TULP2: variants seen among roughly 807,000 people sequenced by gnomAD.
TULP2 encodes tubby-related protein 2.
A neutral mutation model predicts 60.3 loss-of-function variants in TULP2; 64 were observed. The observed-to-expected ratio is 1.06, with a 90% CI of 0.87 to 1.31. TULP2 has a LOEUF of 1.31. Ranked by LOEUF, TULP2 falls within the 50% of genes most tolerant of loss-of-function variation. The probability of loss-of-function intolerance (pLI) is 0.00; values close to 1 mark genes in which losing one functional copy is unlikely to be tolerated. For missense variants in TULP2, 652 were observed against 667.0 expected, an observed-to-expected ratio of 0.98 and a Z score of 0.25; for synonymous variants, 267 against 265.4, an observed-to-expected ratio of 1.01 and a Z score of -0.06.
chr19:48,888,461 C>G (rs187043297), intron 7 of TULP2, among the ~76,000 whole-genome samples, 200 bp from the exon 8 acceptor site: 4 of 152,162 alleles, frequency 2.6e-5, no homozygotes, highest in Non-Finnish European at 4.4e-5. Flanking sequence ...TGCAGCCACA[C>G]GCATTCCACC....
intron 8 of TULP2, among the ~76,000 whole-genome samples, chr19:48,887,450 G>A (rs756730852): frequency 6.7e-6 from 1 of 150,010 alleles, no homozygotes. Flanking sequence ...TCAGCCTCCC[G>A]AGTAGCTTGG....
chr19:48,890,736 T>A (rs1417373338), intron 6 of TULP2, among the ~76,000 whole-genome samples: 2 of 152,030 alleles, frequency 1.3e-5, no homozygotes. Flanking sequence ...CGCCCTCACT[T>A]GCAACAACCT....
intron 12 of TULP2, among the ~76,000 whole-genome samples, chr19:48,881,416 C>G (rs1390362623): frequency 9.0e-5 from 12 of 133,946 alleles, no homozygotes; most frequent in African/African-American, 3.2e-4. Context: ...GAGTCTCGCT[C>G]TGTTGCCCAG....
In TULP2 at chr19:48,882,048, G is replaced by T; in HGVS notation, c.1431C>A (p.Ile477=). The T allele has an allele frequency of 6.2e-7, 1 of 1,614,152 alleles. No individual in the cohort carries two copies. The highest frequency in any genetic ancestry group is 8.5e-7 in the Non-Finnish European group (1 of 1,180,030). ...VTRASVKNFQ[I]VDPKHQEHLV... ...GGAGCTCACGGTGTTTGGGATCCAC[G>T]ATTTGGAAGTTCTTCACCGAAGCCC... The change falls in exon 12 of 13, where the codon ATC becomes ATA. Residue 477 remains isoleucine, a synonymous_variant. Transcript: ENST00000221399.
At chr19:48,892,720 T>C (rs537989421) in intron 6 of TULP2, among the ~76,000 whole-genome samples, 2 of 152,080 alleles carry the variant, frequency 1.3e-5, no homozygotes, top group South Asian at 4.2e-4. Flanking sequence ...CTCGATCTCC[T>C]GACCTCGTGA....
intron 7 of TULP2, 132 bp from the exon 8 acceptor site, chr19:48,888,393 A>T: frequency 2.2e-6 from 2 of 909,648 alleles, no homozygotes; most frequent in Admixed American, 2.9e-5. Context: ...CAAAAATCTC[A>T]TTCAGTCCAC....
At chr19:48,889,358 G>A (rs553952814) in intron 7 of TULP2, 152 bp downstream of exon 7, 21 of 1,277,614 alleles carry the variant, frequency 1.6e-5, no homozygotes, top group Admixed American at 7.0e-5. Context: ...ACGCACGCAC[G>A]CACGCACGCA....
intron 3 of TULP2, 31 bp from the exon 4 acceptor site, chr19:48,896,587 A>G: frequency 6.4e-7 from 1 of 1,564,140 alleles, no homozygotes; most frequent in East Asian, 2.4e-5. Context: ...GGTGTCCGGG[A>G]CAGGAACCAG....
chr19:48,886,319 T>C (rs936968177), intron 8 of TULP2, among the ~76,000 whole-genome samples: 1 of 151,380 alleles, frequency 6.6e-6, no homozygotes, highest in African/African-American at 2.4e-5. Flanking sequence ...AAAAAAGACT[T>C]ACTGGGAAAT....
At chr19:48,884,908 CTTTTTTTT>C (rs745788084) in intron 9 of TULP2, among the ~76,000 whole-genome samples, 5,351 of 97,462 alleles carry the variant, frequency 0.055, 278 homozygotes, top group African/African-American at 0.2. Flanking sequence ...TAGGAACCCT[CTTTTTTTT>C]TTTTTTTTTT....
At position 48,891,110 on chromosome 19, in the gene TULP2, C is replaced by T. The variant is rs1208498801; in HGVS notation, c.515-1479G>A. 1.5e-3 allele frequency among the ~76,000 whole-genome samples: 217 copies of T among 146,384 alleles called. 1 individual carries two copies. The highest frequency in any genetic ancestry group is 5.4e-3 in the African/African-American group (212 of 39,198). ...CGGGCGGATCACGAGGTCAGGAGAT[C>T]GAGACCATCCTGGCAAACATGGTGA... On this transcript the variant is annotated intron_variant, in intron 6 of 12. Transcript: ENST00000221399.
In TULP2 at chr19:48,882,129, C is replaced by T. The variant is rs367792316; in HGVS notation, c.1350G>A (p.Pro450=). 40 of 1,612,480 alleles carry T rather than the reference C, an allele frequency of 2.5e-5. No individual in the cohort carries two copies. The African/African-American group carries it at 2.8e-4, about 11-fold the overall frequency. Residue 450 remains proline, a synonymous_variant, in exon 12 of 13, where the codon CCG becomes CCA. Transcript: ENST00000221399. The part of the protein sequence containing the change: ...QGLLLLHNKT[P]SWDKENGVYT... ...AGACACCGTTCTCCTTGTCCCACGA[C>T]GGGGTTTTGTTGTGCAACAAAAGCA...
Position 48,898,691 on chromosome 19 carries a change from C to T in TULP2, c.-103G>A, listed in dbSNP as rs1328957876. 2 of 152,080 alleles carry T rather than the reference C, an allele frequency of 1.3e-5. No individual in the cohort carries two copies. The highest frequency in any genetic ancestry group is 4.8e-5 in the African/African-American group (2 of 41,384). The allele number at this position is 152,080 out of a possible 1,614,324, so 9.4% of individuals were successfully genotyped here. On this transcript the variant is annotated 5_prime_UTR_variant, in exon 1 of 13. Transcript: ENST00000221399. The stretch of plus-strand genomic sequence containing the variant: ...AGGGAGGGAGGATTCCCTCTGGGAC[C>T]TGAACTGGTCCACTCCCTTCTGACC...
chr19:48,892,980 C>T (rs981403705), intron 6 of TULP2, among the ~76,000 whole-genome samples: 4 of 151,794 alleles, frequency 2.6e-5, no homozygotes, highest in Non-Finnish European at 5.9e-5. Flanking sequence ...CGGTGGCTCA[C>T]ACCCGTAATC....
intron 7 of TULP2, among the ~76,000 whole-genome samples, chr19:48,888,821 C>A (rs1357528015): frequency 6.6e-6 from 1 of 151,920 alleles, no homozygotes; most frequent in African/African-American, 2.4e-5. Context: ...GGGGCTTCAC[C>A]AAGTTGGCCA....
At position 48,881,113 on chromosome 19, in the gene TULP2, C is replaced by T. The variant is rs757869142; in HGVS notation, c.1461G>A (p.Val487=). 6.2e-7 allele frequency: 1 copy of T among 1,612,564 alleles called. No homozygotes were observed. Among genetic ancestry groups the T allele is most frequent in the Non-Finnish European group, 8.5e-7 (1 of 1,179,148 alleles). The part of the protein sequence containing the change: ...IVDPKHQEHL[V]LQFGRVGPDT... ...CTGGGCCCACTCGGCCGAACTGGAG[C>T]ACCAGATGTTCTTCTGAGAAGTGAA... Residue 487 remains valine, a synonymous_variant, in exon 13 of 13, where the codon GTG becomes GTA. Coordinates refer to ENST00000221399, the MANE Select transcript of TULP2 (RefSeq NM_003323.3).
At chr19:48,891,066 G>C (rs1365607185) in intron 6 of TULP2, among the ~76,000 whole-genome samples, 1 of 151,882 alleles carries the variant, frequency 6.6e-6, no homozygotes, top group Non-Finnish European at 1.5e-5. Flanking sequence ...TGTAATCCCA[G>C]CACTTTGGGA....
Position 48,895,349 on chromosome 19 carries a change from G to T in TULP2, c.349+17C>A. The T allele has an allele frequency of 1.2e-6, 2 of 1,612,158 alleles. No homozygotes were observed. Among genetic ancestry groups the T allele is most frequent in the South Asian group, 1.1e-5 (1 of 90,894 alleles). On this transcript the variant is annotated intron_variant, in intron 5 of 12. Transcript: ENST00000221399. ...ACGGAGTTCTGGGGTCTAGGAGGTC[G>T]GTGGACTCGCAAATACCTGCTTCTG...
intron 9 of TULP2, among the ~76,000 whole-genome samples, chr19:48,885,234 C>G (rs1258383133): frequency 6.6e-6 from 1 of 152,122 alleles, no homozygotes; most frequent in Admixed American, 6.6e-5. Flanking sequence ...TTCACACATT[C>G]CAGGCCTCTT....
Sources: allele counts gnomAD v4.1 joint callset (sites outside exome capture counted in the v4.1 genomes callset), GRCh38; gene constraint gnomAD v4.1.1; transcripts MANE v1.5; gene names NCBI Gene and HGNC (gene_info 2026-07-23, HGNC 2026-07-21).